The following KAZN variants were observed in gnomAD, a reference collection of about 807,000 sequenced individuals.
The protein encoded by KAZN is kazrin.
A neutral mutation model predicts 87.4 loss-of-function variants in KAZN; 40 were observed. The ratio of observed to expected loss-of-function variants is 0.46; its 90% CI spans 0.36 to 0.60. The LOEUF (loss-of-function observed/expected upper bound fraction) is 0.60, where lower values mean the gene tolerates loss of function less well. KAZN is among the 20% of genes least tolerant of loss of function. KAZN has a pLI of 0.00. For synonymous variants in KAZN, 466 were observed against 458.3 expected (o/e 1.02, Z -0.22); for missense variants, 898 against 1,073.9 (o/e 0.84, Z 2.29).
chr1:14,917,849 T>TTCCTTC (rs1557618597), intron 1 of KAZN, among the ~76,000 whole-genome samples: 1 of 148,676 alleles, frequency 6.7e-6, no homozygotes, highest in Non-Finnish European at 1.5e-5. Flanking sequence ...CTTCTTTCTT[T>TTCCTTC]CTTCCTTCCT....
chr1:14,054,185 CTG>C (rs1339191347), intron 1 of KAZN, among the ~76,000 whole-genome samples: 1 of 152,006 alleles, frequency 6.6e-6, no homozygotes, highest in Non-Finnish European at 1.5e-5. Context: ...TCACATGTAA[CTG>C]GACCTGTGCA....
intron 1 of KAZN, among the ~76,000 whole-genome samples, chr1:14,888,232 G>A (rs962310598): frequency 3.3e-5 from 5 of 152,148 alleles, no homozygotes; most frequent in African/African-American, 1.2e-4. Context: ...TGCCCAGCCC[G>A]GCCTCCTTCC....
chr1:14,825,936 C>G (rs2100849010), intron 1 of KAZN, among the ~76,000 whole-genome samples: 1 of 152,310 alleles, frequency 6.6e-6, no homozygotes, highest in East Asian at 1.9e-4. Flanking sequence ...TAACCCAAGG[C>G]CAGCACGTAG....
At chr1:14,673,096 C>T (rs1346442026) in intron 1 of KAZN, among the ~76,000 whole-genome samples, 1 of 152,202 alleles carries the variant, frequency 6.6e-6, no homozygotes, top group Non-Finnish European at 1.5e-5. Flanking sequence ...ATGACAGATG[C>T]CCATTAGCCT....
chr1:14,551,176 C>T (rs1430252186), intron 2 of KAZN, among the ~76,000 whole-genome samples: 1 of 152,156 alleles, frequency 6.6e-6, no homozygotes, highest in Non-Finnish European at 1.5e-5. Context: ...CAACTTCAGA[C>T]ACACTGCCCC....
chr1:14,377,189 C>T (rs1463834521), intron 2 of KAZN, among the ~76,000 whole-genome samples: 1 of 152,186 alleles, frequency 6.6e-6, no homozygotes, highest in African/African-American at 2.4e-5. Flanking sequence ...ATAATATAGA[C>T]ATTACAAAAT....
intron 1 of KAZN, among the ~76,000 whole-genome samples, chr1:14,062,390 G>A (rs1311191055): frequency 6.6e-6 from 1 of 152,094 alleles, no homozygotes; most frequent in Admixed American, 6.6e-5. Context: ...TGCAAAAGAG[G>A]GTTTTCAGTT....
At chr1:14,395,522 G>A (rs576206375) in intron 2 of KAZN, among the ~76,000 whole-genome samples, 2 of 152,258 alleles carry the variant, frequency 1.3e-5, no homozygotes, top group Admixed American at 1.3e-4. Flanking sequence ...GTGGCTGGTG[G>A]GAGCTGCAGC....
At chr1:14,400,264 G>A (rs1663289409) in intron 2 of KAZN, among the ~76,000 whole-genome samples, 1 of 152,184 alleles carries the variant, frequency 6.6e-6, no homozygotes, top group Non-Finnish European at 1.5e-5. Flanking sequence ...TAAGAGCAAT[G>A]TGAGAACAAC....
intron 1 of KAZN, among the ~76,000 whole-genome samples, chr1:14,816,894 G>A (rs1035363833): frequency 9.8e-5 from 15 of 152,312 alleles, no homozygotes; most frequent in Non-Finnish European, 2.1e-4. Context: ...TCTACAGGGT[G>A]TAACACCAGG....
At chr1:14,265,617 C>A (rs929725352) in intron 2 of KAZN, among the ~76,000 whole-genome samples, 2 of 152,204 alleles carry the variant, frequency 1.3e-5, no homozygotes, top group Non-Finnish European at 2.9e-5. Context: ...CTGTTTCACC[C>A]TAGTCCCTGC....
chr1:14,644,918 G>A (rs906846927), intron 1 of KAZN, among the ~76,000 whole-genome samples: 1 of 152,100 alleles, frequency 6.6e-6, no homozygotes, highest in African/African-American at 2.4e-5. Context: ...TGTCTTTCAG[G>A]ATTTTTATAG....
intron 1 of KAZN, among the ~76,000 whole-genome samples, chr1:14,813,834 C>T (rs763636969): frequency 2.0e-5 from 3 of 152,150 alleles, no homozygotes; most frequent in Non-Finnish European, 2.9e-5. Flanking sequence ...ATTCAGGGGT[C>T]GTGTTGAGAA....
chr1:14,419,276 C>G (rs1665139374), intron 2 of KAZN, among the ~76,000 whole-genome samples: 1 of 152,126 alleles, frequency 6.6e-6, no homozygotes, highest in Non-Finnish European at 1.5e-5. Context: ...GTGACTTTCC[C>G]AAAGTCATAA....
At chr1:14,084,088 A>G (rs556570097) in intron 1 of KAZN, among the ~76,000 whole-genome samples, 8 of 152,356 alleles carry the variant, frequency 5.3e-5, no homozygotes, top group African/African-American at 1.9e-4. Context: ...GAGACCCATG[A>G]GAAGGCTAAC....
chr1:13,919,613 G>T (rs1639988416), intron 1 of KAZN, among the ~76,000 whole-genome samples: 1 of 152,136 alleles, frequency 6.6e-6, no homozygotes, highest in Non-Finnish European at 1.5e-5. Flanking sequence ...ATTTAAATTG[G>T]CCATTTGGAC....
chr1:14,827,492 G>A (rs1326612043), intron 1 of KAZN, among the ~76,000 whole-genome samples: 4 of 152,234 alleles, frequency 2.6e-5, no homozygotes, highest in Admixed American at 1.3e-4. Context: ...CCACTTATGA[G>A]TGAGAACATG....
At chr1:14,050,086 G>A (rs1323839216) in intron 1 of KAZN, among the ~76,000 whole-genome samples, 9 of 151,912 alleles carry the variant, frequency 5.9e-5, no homozygotes, top group Admixed American at 5.9e-4. Context: ...ACATGCCTGT[G>A]TACATGTGTG....
intron 1 of KAZN, among the ~76,000 whole-genome samples, chr1:14,902,172 T>A (rs1371173654): frequency 6.6e-6 from 1 of 151,978 alleles, no homozygotes; most frequent in Non-Finnish European, 1.5e-5. Flanking sequence ...ATTTAAGACA[T>A]GCTTTGATGG....
Sources: gnomAD v4.1 joint callset for allele counts (sites outside exome capture counted in the v4.1 genomes callset) on GRCh38, gnomAD v4.1.1 for gene constraint, MANE v1.5 for transcripts, NCBI Gene and HGNC (gene_info 2026-07-23, HGNC 2026-07-21) for gene names.